Variants in VTI1A observed in about 807,000 individuals in gnomAD.
VTI1A encodes vesicle transport through interaction with t-SNAREs 1A, also known as vesicle transport through interaction with t-SNAREs homolog 1A.
In VTI1A, 22 loss-of-function variants were observed where a neutral mutation model predicts 34.9. The observed-to-expected ratio is 0.63, with a 90% confidence interval of 0.45 to 0.90. The LOEUF (loss-of-function observed/expected upper bound fraction) is 0.90, where lower values mean the gene tolerates loss of function less well. Ranked by LOEUF, VTI1A falls within the 40% of genes least tolerant of loss-of-function variation. The pLI is 0.00. For missense variants in VTI1A, 268 were observed against 275.6 expected, an observed-to-expected ratio of 0.97 and a Z score of 0.20; for synonymous variants, 87 against 97.3, an observed-to-expected ratio of 0.89 and a Z score of 0.62.
the VTI1A span, among the ~76,000 whole-genome samples, chr10:112,843,246 C>A: frequency 6.6e-6 from 1 of 152,222 alleles, no homozygotes; most frequent in Non-Finnish European, 1.5e-5. Context: ...CCAGGCTTCT[C>A]CCCTGAGATG....
At chr10:112,765,935 C>G (rs1851634223) in intron 7 of VTI1A, among the ~76,000 whole-genome samples, 1 of 152,112 alleles carries the variant, frequency 6.6e-6, no homozygotes, top group Non-Finnish European at 1.5e-5. Flanking sequence ...TGACAGGAGT[C>G]CAAGGCAGGT....
intron 5 of VTI1A, among the ~76,000 whole-genome samples, chr10:112,576,026 T>C (rs1422911200): frequency 3.5e-5 from 5 of 144,632 alleles, no homozygotes; most frequent in Non-Finnish European, 3.0e-5. Flanking sequence ...TTTCTTTTTT[T>C]TTTTTTTTTT....
At chr10:112,709,586 C>G (rs1849326039) in intron 7 of VTI1A, among the ~76,000 whole-genome samples, 1 of 151,750 alleles carries the variant, frequency 6.6e-6, no homozygotes, top group African/African-American at 2.4e-5. Flanking sequence ...CATAAAAATC[C>G]TGCCCATCTT....
chr10:112,644,361 T>C (rs1341853127), intron 5 of VTI1A, among the ~76,000 whole-genome samples: 1 of 152,212 alleles, frequency 6.6e-6, no homozygotes, highest in African/African-American at 2.4e-5. Flanking sequence ...TGTCAAAATA[T>C]GAAAATTAAA....
intron 7 of VTI1A, among the ~76,000 whole-genome samples, chr10:112,731,128 C>T (rs1489417313): frequency 6.6e-6 from 1 of 152,038 alleles, no homozygotes; most frequent in Non-Finnish European, 1.5e-5. Context: ...CTGAAGGGAG[C>T]AAAAGTTGGA....
chr10:112,624,293 AG>A (rs200608869), intron 5 of VTI1A, among the ~76,000 whole-genome samples: 21 of 152,110 alleles, frequency 1.4e-4, no homozygotes, highest in African/African-American at 3.4e-4. Context: ...TGAAATGTGA[AG>A]GGGGAAAAAA....
At chr10:112,764,463 GTGT>G (rs1312676152) in intron 7 of VTI1A, among the ~76,000 whole-genome samples, 1 of 152,110 alleles carries the variant, frequency 6.6e-6, no homozygotes, top group African/African-American at 2.4e-5. Flanking sequence ...AACCAATGTG[GTGT>G]TTAAAAATGT....
chr10:112,622,360 C>G (rs1845765987), intron 5 of VTI1A, among the ~76,000 whole-genome samples: 1 of 151,590 alleles, frequency 6.6e-6, no homozygotes, highest in East Asian at 1.9e-4. Context: ...TTTACTGATG[C>G]TAAAATGTTT....
intron 7 of VTI1A, among the ~76,000 whole-genome samples, chr10:112,762,039 A>G (rs944838654): frequency 2.0e-5 from 3 of 152,194 alleles, no homozygotes; most frequent in African/African-American, 7.2e-5. Flanking sequence ...TGCACTGGAT[A>G]CATTACAGTT....
chr10:112,655,286 A>C (rs1298661756), intron 5 of VTI1A, among the ~76,000 whole-genome samples: 2 of 152,234 alleles, frequency 1.3e-5, no homozygotes, highest in Non-Finnish European at 2.9e-5. Context: ...ATAGATGATC[A>C]AGTAGGTATA....
At chr10:112,632,043 G>A (rs955570449) in intron 5 of VTI1A, among the ~76,000 whole-genome samples, 3 of 152,038 alleles carry the variant, frequency 2.0e-5, no homozygotes, top group African/African-American at 7.2e-5. Context: ...ATACAACTTG[G>A]CCAGCCATGG....
intron 3 of VTI1A, among the ~76,000 whole-genome samples, chr10:112,504,921 T>C (rs146542992): frequency 3.3e-4 from 50 of 152,238 alleles, no homozygotes; most frequent in African/African-American, 1.2e-3. Context: ...ACCGTTCTTA[T>C]GCTTTGCTAG....
intron 7 of VTI1A, among the ~76,000 whole-genome samples, chr10:112,802,609 G>A (rs1029903062): frequency 6.6e-6 from 1 of 152,222 alleles, no homozygotes; most frequent in Non-Finnish European, 1.5e-5. Context: ...TGTCCTCACT[G>A]CAGTGGATGT....
intron 7 of VTI1A, among the ~76,000 whole-genome samples, chr10:112,756,482 G>A (rs1432604846): frequency 6.6e-6 from 1 of 152,066 alleles, no homozygotes; most frequent in Admixed American, 6.6e-5. Context: ...TTCTCTCAGC[G>A]GGCATGCTTC....
At chr10:112,589,631 C>T (rs1844305568) in intron 5 of VTI1A, among the ~76,000 whole-genome samples, 1 of 152,162 alleles carries the variant, frequency 6.6e-6, no homozygotes, top group Admixed American at 6.5e-5. Flanking sequence ...GTTGAGCATG[C>T]ACTGTGTGTG....
chr10:112,782,432 T>A (rs1310532618), intron 7 of VTI1A, among the ~76,000 whole-genome samples: 1 of 152,264 alleles, frequency 6.6e-6, no homozygotes, highest in Non-Finnish European at 1.5e-5. Flanking sequence ...CTCTTTCTCC[T>A]TGAGGAGAAG....
In VTI1A at chr10:112,733,676, A is replaced by G. The variant is rs554954520; in HGVS notation, c.560+64678A>G. ...ACTCCTATTGTCTAATTGTTCTTTAAGTCCTGTGGATTCCACACTTGCAAT... is the reference window on the plus strand; with the variant it reads ...ACTCCTATTGTCTAATTGTTCTTTAGGTCCTGTGGATTCCACACTTGCAAT... On this transcript the variant is annotated intron_variant, in intron 7 of 7. Coordinates refer to ENST00000393077, the MANE Select transcript of VTI1A (RefSeq NM_145206.4). Among the ~76,000 whole-genome samples, 14 of 151,908 alleles carry G rather than the reference A, an allele frequency of 9.2e-5. No individual in the cohort carries two copies. In the East Asian group the frequency reaches 2.5e-3, roughly 27 times the overall value.
At chr10:112,842,716 C>G in the VTI1A span, among the ~76,000 whole-genome samples, 1 of 152,214 alleles carries the variant, frequency 6.6e-6, no homozygotes, top group African/African-American at 2.4e-5. Context: ...ACAGACATAA[C>G]ACAGAAAACG....
At chr10:112,843,314 C>T in the VTI1A span, among the ~76,000 whole-genome samples, 60,897 of 152,088 alleles carry the variant, frequency 0.4, 13,352 homozygotes, top group East Asian at 0.76. Flanking sequence ...AAGCCACAAA[C>T]CAGGAAGAGC....
Sources: gnomAD v4.1 joint callset for allele counts (sites outside exome capture counted in the v4.1 genomes callset) on GRCh38, gnomAD v4.1.1 for gene constraint, MANE v1.5 for transcripts, NCBI Gene and HGNC (gene_info 2026-07-23, HGNC 2026-07-21) for gene names.